Variants in NDFIP1 observed in about 807,000 individuals in gnomAD.
NDFIP1 encodes the protein Nedd4 family interacting protein 1.
A neutral mutation model predicts 28.8 loss-of-function variants in NDFIP1; 7 were observed. That is an observed-to-expected ratio of 0.24 (90% CI 0.14 to 0.46). The LOEUF is 0.46. NDFIP1 is among the 20% of genes least tolerant of loss of function. The pLI, the probability that NDFIP1 is intolerant of heterozygous loss-of-function variation, is 0.99. For synonymous variants in NDFIP1, 92 were observed against 101.0 expected (o/e 0.91, Z 0.53); for missense variants, 194 against 269.1 (o/e 0.72, Z 1.95).
At chr5:142,140,499 CTTAAG>C in intron 5 of NDFIP1, 59 bp from the exon 6 acceptor site, 1 of 1,345,262 alleles carries the variant, frequency 7.4e-7, no homozygotes, top group Non-Finnish European at 1.0e-6. Flanking sequence ...TTTGTGTACC[CTTAAG>C]TTAAAATGAG....
At chr5:142,129,401 T>C (rs1443548295) in intron 1 of NDFIP1, among the ~76,000 whole-genome samples, 1 of 152,216 alleles carries the variant, frequency 6.6e-6, no homozygotes, top group Non-Finnish European at 1.5e-5. Flanking sequence ...CACATGTCTT[T>C]GTTTAAAAGG....
chr5:142,152,278 T>C lies in NDFIP1; in HGVS notation c.*550T>C, dbSNP rs954781648. 6.6e-6 allele frequency: 1 copy of C among 152,668 alleles called. No individual in the cohort carries two copies. The highest frequency in any genetic ancestry group is 1.5e-5 in the Non-Finnish European group (1 of 68,014). The allele number at this position is 152,668 out of a possible 1,614,324, so 9.5% of individuals were successfully genotyped here. On this transcript the variant is annotated 3_prime_UTR_variant, in exon 8 of 8. Coordinates refer to ENST00000253814, the MANE Select transcript of NDFIP1 (RefSeq NM_030571.4). ...AGCAAAATCATAGTGCAAAAATACA[T>C]TTAAGGTGTGGTCAAAAATAAGTCT...
rs1273971037 is a variant in NDFIP1 at position 142,153,428 on chromosome 5, A to C, written c.*1700A>C. 2.2e-6 allele frequency: 1 copy of C among 457,008 alleles called. No homozygotes were observed. Among genetic ancestry groups the C allele is most frequent in the Non-Finnish European group, 4.4e-6 (1 of 227,046 alleles). 28.3% of individuals were successfully genotyped at this position (457,008 alleles called of 1,614,324 possible). A position where few individuals can be genotyped will look rare whatever the true frequency, so the allele number is the denominator to read the frequency against. On this transcript the variant is annotated 3_prime_UTR_variant, in exon 8 of 8. Transcript: ENST00000253814. ...GAAGTCGTTCAGGATATCAGTATAT[A>C]ATGCACAGAAGTGTGGGTTGTTTGA...
At chr5:142,142,121 C>G (rs929911440) in intron 6 of NDFIP1, among the ~76,000 whole-genome samples, 1 of 152,000 alleles carries the variant, frequency 6.6e-6, no homozygotes, top group Non-Finnish European at 1.5e-5. Context: ...TGGGTGACAG[C>G]AAGACAGTGT....
rs949284749 is a variant in NDFIP1, at chr5:142,152,237, T to C, written c.*509T>C. ...GTTAATCTAGAAATTTATTCAATTC[T>C]GTATGAACACCTGGAAGCAAAATCA... On this transcript the variant is annotated 3_prime_UTR_variant, in exon 8 of 8. Transcript: ENST00000253814. 5.2e-5 allele frequency: 8 copies of C among 152,814 alleles called. No individual in the cohort carries two copies. The highest frequency in any genetic ancestry group is 5.2e-4 in the Admixed American group (8 of 15,290). The allele number at this position is 152,814 out of a possible 1,614,324, so 9.5% of individuals were successfully genotyped here. A position where few individuals can be genotyped will look rare whatever the true frequency, so the allele number is the denominator to read the frequency against.
chr5:142,130,547 G>A (rs978208482), intron 1 of NDFIP1, among the ~76,000 whole-genome samples: 3 of 151,982 alleles, frequency 2.0e-5, no homozygotes, highest in Non-Finnish European at 4.4e-5. Context: ...CATCACTTGA[G>A]GCCAGGAGTT....
At chr5:142,144,181 T>TA (rs922102835) in intron 6 of NDFIP1, 1 of 143,942 alleles carries the variant, frequency 6.9e-6, no homozygotes, top group African/African-American at 2.5e-5. Flanking sequence ...AAAACACAGT[T>TA]ATAACCTCTT....
chr5:142,148,041 G>A (rs1757408138), intron 7 of NDFIP1, among the ~76,000 whole-genome samples: 1 of 152,132 alleles, frequency 6.6e-6, no homozygotes, highest in African/African-American at 2.4e-5. Flanking sequence ...GAAAGACACA[G>A]GTAGGGAATT....
At chr5:142,139,168 C>T (rs1299770267) in intron 5 of NDFIP1, among the ~76,000 whole-genome samples, 2 of 150,238 alleles carry the variant, frequency 1.3e-5, no homozygotes, top group Middle Eastern at 3.2e-3. Flanking sequence ...TACAGTGAGC[C>T]GAGATCGTGC....
chr5:142,132,028 G>C, intron 2 of NDFIP1, 133 bp downstream of exon 2: 3 of 1,066,198 alleles, frequency 2.8e-6, no homozygotes, highest in Non-Finnish European at 4.0e-6. Context: ...TTAAATAATT[G>C]AGAAGTGGAT....
chr5:142,133,445 A>T (rs1757245443), intron 3 of NDFIP1, among the ~76,000 whole-genome samples: 1 of 152,246 alleles, frequency 6.6e-6, no homozygotes, highest in Non-Finnish European at 1.5e-5. Context: ...TATTATCTCC[A>T]TTTTACAGAT....
At chr5:142,142,086 A>G (rs986248921) in intron 6 of NDFIP1, among the ~76,000 whole-genome samples, 8 of 152,130 alleles carry the variant, frequency 5.3e-5, no homozygotes, top group Non-Finnish European at 1.2e-4. Context: ...GCAGTGAACT[A>G]TGATGGCGTC....
rs576263420 is a variant in NDFIP1 at position 142,150,333 on chromosome 5, T to C, written c.*3-1398T>C. On this transcript the variant is annotated intron_variant, in intron 7 of 7. Coordinates refer to ENST00000253814, the MANE Select transcript of NDFIP1 (RefSeq NM_030571.4). ...TGGCTTTTAGAGTTCCTCATATTTTTGTGTCTCTGTCTCTGTGCTTTCCGA... is the reference window on the plus strand; with the variant it reads ...TGGCTTTTAGAGTTCCTCATATTTTCGTGTCTCTGTCTCTGTGCTTTCCGA... Among the ~76,000 whole-genome samples the C allele has an allele frequency of 3.3e-5, 5 of 151,762 alleles. No homozygotes were observed. The South Asian group carries it at 1.0e-3, about 31-fold the overall frequency.
chr5:142,117,240 T>A (rs1308481877), intron 1 of NDFIP1, among the ~76,000 whole-genome samples: 1 of 116,010 alleles, frequency 8.6e-6, no homozygotes, highest in African/African-American at 3.6e-5. Context: ...TTCATTTTCT[T>A]TTTTTGCTTT....
chr5:142,110,156 C>G (rs1455816277), intron 1 of NDFIP1, among the ~76,000 whole-genome samples: 1 of 152,104 alleles, frequency 6.6e-6, no homozygotes, highest in East Asian at 1.9e-4. Flanking sequence ...TGTTGCAATC[C>G]GTCCCCACTC....
intron 7 of NDFIP1, among the ~76,000 whole-genome samples, chr5:142,148,396 T>C (rs540373625): frequency 7.9e-5 from 12 of 152,310 alleles, no homozygotes; most frequent in Non-Finnish European, 1.8e-4. Context: ...TTATCTGTTT[T>C]CCTACTTCAT....
At chr5:142,146,651 G>A (rs1051129356) in intron 7 of NDFIP1, among the ~76,000 whole-genome samples, 4 of 152,136 alleles carry the variant, frequency 2.6e-5, no homozygotes, top group African/African-American at 9.7e-5. Flanking sequence ...GTAGTCTAAT[G>A]TTAGCTCTGA....
At chr5:142,149,782 G>A (rs868439913) in intron 7 of NDFIP1, among the ~76,000 whole-genome samples, 2 of 152,176 alleles carry the variant, frequency 1.3e-5, no homozygotes, top group African/African-American at 2.4e-5. Flanking sequence ...CTATGCTAAA[G>A]CATCATAAAC....
chr5:142,144,692 T>C lies in NDFIP1; in HGVS notation c.*2+16T>C. The C allele has an allele frequency of 6.8e-7, 1 of 1,470,930 alleles. No individual in the cohort carries two copies. The highest frequency in any genetic ancestry group is 9.4e-7 in the Non-Finnish European group (1 of 1,059,190). The allele number at this position is 1,470,930 out of a possible 1,614,324, so 91.1% of individuals were successfully genotyped here. ...TTTATTAAAGGTATTAAAGAAAAAATTTATTCTAGTCCCAGTGTAACCATG... is the reference window on the plus strand; with the variant it reads ...TTTATTAAAGGTATTAAAGAAAAAACTTATTCTAGTCCCAGTGTAACCATG... On this transcript the variant is annotated intron_variant, in intron 7 of 7. Coordinates refer to ENST00000253814, the MANE Select transcript of NDFIP1 (RefSeq NM_030571.4).
Sources: allele counts gnomAD v4.1 joint callset (sites outside exome capture counted in the v4.1 genomes callset), GRCh38; gene constraint gnomAD v4.1.1; transcripts MANE v1.5; gene names NCBI Gene and HGNC (gene_info 2026-07-23, HGNC 2026-07-21).